The following LRIG1 variants were observed in gnomAD, a reference collection of about 807,000 sequenced individuals.
LRIG1 encodes the protein leucine-rich repeats and immunoglobulin-like domains protein 1.
LRIG1 carries 48 observed loss-of-function variants against 99.2 expected under a neutral mutation model. The ratio of observed to expected loss-of-function variants is 0.48; its 90% CI spans 0.38 to 0.62. LRIG1 has a LOEUF of 0.62. LRIG1 is among the 20% of genes least tolerant of loss of function. The pLI is 0.00. For synonymous variants in LRIG1, 772 were observed against 596.1 expected, an observed-to-expected ratio of 1.29 and a Z score of -4.30; for missense variants, 1,646 against 1,434.4, an observed-to-expected ratio of 1.15 and a Z score of -2.38.
At position 66,384,374 on chromosome 3, in the gene LRIG1, TCAC is replaced by T. The variant is rs539783382; in HGVS notation, c.1790-105_1790-103del. 1,111 of 1,251,816 alleles carry T rather than the reference TCAC, an allele frequency of 8.9e-4. 16 individuals are homozygous for T. The South Asian group carries it at 0.015, about 16-fold the overall frequency. 77.5% of individuals were successfully genotyped at this position (1,251,816 alleles called of 1,614,324 possible). ...ACCTGTCACTGTGCCCAGTGCCAGT[TCAC>T]TTCTTTTCTCCCAATGTCTGCCCAG... On this transcript the variant is annotated intron_variant, in intron 13 of 18. Coordinates refer to ENST00000273261, the MANE Select transcript of LRIG1 (RefSeq NM_015541.3).
Position 66,407,338 on chromosome 3 carries a change from G to A in LRIG1, c.1079+10C>T, listed in dbSNP as rs754600937. 6.2e-7 allele frequency: 1 copy of A among 1,614,048 alleles called. No homozygotes were observed. Among genetic ancestry groups the A allele is most frequent in the Non-Finnish European group, 8.5e-7 (1 of 1,180,028 alleles). ...GGACCCCTTTATCCTGTCAGTAGTG[G>A]GAGACGTACAAGACTCGCAGGCTCC... On this transcript the variant is annotated intron_variant, in intron 8 of 18. Transcript: ENST00000273261.
intron 6 of LRIG1, among the ~76,000 whole-genome samples, chr3:66,411,540 G>A (rs1206692325): frequency 6.6e-6 from 1 of 152,166 alleles, no homozygotes; most frequent in East Asian, 1.9e-4. Context: ...AAAACAAAGG[G>A]TGGAGAATGG....
chr3:66,437,188 C>T (rs971436421), intron 3 of LRIG1, among the ~76,000 whole-genome samples: 1 of 152,220 alleles, frequency 6.6e-6, no homozygotes, highest in East Asian at 1.9e-4. Context: ...TCTCCACCTT[C>T]GCTTCACAGA....
intron 1 of LRIG1, among the ~76,000 whole-genome samples, chr3:66,466,213 T>A (rs1241180686): frequency 6.6e-6 from 1 of 152,126 alleles, no homozygotes; most frequent in Non-Finnish European, 1.5e-5. Flanking sequence ...TTTACTTTTT[T>A]AGTAGACATG....
At chr3:66,395,808 TG>T (rs1701826777) in intron 11 of LRIG1, among the ~76,000 whole-genome samples, 1 of 152,086 alleles carries the variant, frequency 6.6e-6, no homozygotes, top group Admixed American at 6.5e-5. Context: ...GCGCCAGGCA[TG>T]GGGGGAACTC....
Position 66,500,170 on chromosome 3 carries a change from G to A in LRIG1, c.218+20C>T, listed in dbSNP as rs1189488518. 1.3e-6 allele frequency: 2 copies of A among 1,508,686 alleles called. No homozygotes were observed. Among genetic ancestry groups the A allele is most frequent in the East Asian group, 2.6e-5 (1 of 37,820 alleles). The allele number at this position is 1,508,686 out of a possible 1,614,324, so 93.5% of individuals were successfully genotyped here. ...GACAGAGCCCCGGGGCGCAGAGAGG[G>A]CGGAAAGGGCGGCACTCACAGGCTC... On this transcript the variant is annotated intron_variant, in intron 1 of 18. Coordinates refer to ENST00000273261, the MANE Select transcript of LRIG1 (RefSeq NM_015541.3).
Position 66,386,225 on chromosome 3 carries a change from T to C in LRIG1, c.1545A>G (p.Thr515=), listed in dbSNP as rs1035635656. 10 of 1,614,180 alleles carry C rather than the reference T, an allele frequency of 6.2e-6. No individual in the cohort carries two copies. The highest frequency in any genetic ancestry group is 7.6e-6 in the Non-Finnish European group (9 of 1,180,032). The change falls in exon 13 of 19, where the codon ACA becomes ACG. Residue 515 remains threonine, a synonymous_variant. Transcript: ENST00000273261. Reference sequence around the variant, plus strand: ...AGCTGCTGCTGCTGGCTGCTGAGCATGTAAACCGGATGTCCTTGCCCACCA... The same window carrying C: ...AGCTGCTGCTGCTGGCTGCTGAGCACGTAAACCGGATGTCCTTGCCCACCA... The part of the protein sequence containing the change: ...MAMVGKDIRF[T]CSAASSSSSP...
chr3:66,383,067 G>A lies in LRIG1; in HGVS notation c.2406C>T (p.Ser802=). 6 of 1,614,242 alleles carry A rather than the reference G, an allele frequency of 3.7e-6. No homozygotes were observed. Among genetic ancestry groups the A allele is most frequent in the Non-Finnish European group, 5.1e-6 (6 of 1,180,042 alleles). ...TVGIFTIAVV[S]SIVLTSLVWV... is the part of the protein sequence containing the mutation. ...AGACCAGTGACGTCAGGACGATGCTGCTCACGACAGCAATGGTGAAGATGC... is the reference window on the plus strand; with the variant it reads ...AGACCAGTGACGTCAGGACGATGCTACTCACGACAGCAATGGTGAAGATGC... Residue 802 remains serine (S), a synonymous_variant, in exon 15 of 19, where the codon AGC becomes AGT. Coordinates refer to ENST00000273261, the MANE Select transcript of LRIG1 (RefSeq NM_015541.3).
intron 3 of LRIG1, among the ~76,000 whole-genome samples, chr3:66,438,202 T>C (rs1368273612): frequency 6.6e-6 from 1 of 152,026 alleles, no homozygotes; most frequent in Non-Finnish European, 1.5e-5. Flanking sequence ...CCTGCTAGGG[T>C]GCTACCCCCT....
chr3:66,402,459 C>T (rs1007951737), intron 9 of LRIG1, among the ~76,000 whole-genome samples: 1 of 152,222 alleles, frequency 6.6e-6, no homozygotes, highest in Non-Finnish European at 1.5e-5. Flanking sequence ...GGCAGGTCAG[C>T]ATCCACCCCA....
At chr3:66,407,623 G>GCACACACA in intron 7 of LRIG1, 132 bp from the exon 8 acceptor site, 1 of 852,242 alleles carries the variant, frequency 1.2e-6, no homozygotes, top group South Asian at 1.6e-5. Flanking sequence ...GCGCGTGCGT[G>GCACACACA]CACACACACA....
At chr3:66,440,701 A>T (rs1241415024) in intron 3 of LRIG1, among the ~76,000 whole-genome samples, 1 of 152,210 alleles carries the variant, frequency 6.6e-6, no homozygotes, top group Non-Finnish European at 1.5e-5. Context: ...GCTGTCAGAG[A>T]TAGCAAGAGT....
intron 3 of LRIG1, among the ~76,000 whole-genome samples, chr3:66,422,905 A>G (rs958515966): frequency 3.3e-5 from 5 of 152,224 alleles, no homozygotes; most frequent in African/African-American, 9.6e-5. Flanking sequence ...CACATCTTAC[A>G]TGGATGGCAG....
chr3:66,392,774 G>A (rs1322831582), intron 12 of LRIG1, among the ~76,000 whole-genome samples: 7 of 152,152 alleles, frequency 4.6e-5, no homozygotes, highest in Non-Finnish European at 8.8e-5. Context: ...AGGGGAGGGA[G>A]CGATGGAAAG....
chr3:66,380,984 A>AG, intron 17 of LRIG1, 123 bp from the exon 18 acceptor site: 3 of 937,502 alleles, frequency 3.2e-6, no homozygotes, highest in Non-Finnish European at 4.8e-6. Flanking sequence ...CACTGTATGC[A>AG]TGCTTCCTCT....
At chr3:66,417,346 C>T (rs1189745267) in intron 3 of LRIG1, 80 bp from the exon 4 acceptor site, 3 of 1,414,050 alleles carry the variant, frequency 2.1e-6, no homozygotes, top group African/African-American at 1.4e-5. Flanking sequence ...TGCACCCCAC[C>T]CCCCACCAAT....
chr3:66,409,964 C>T (rs1455182373), intron 7 of LRIG1, 165 bp downstream of exon 7: 4 of 612,980 alleles, frequency 6.5e-6, no homozygotes, highest in South Asian at 4.4e-5. Flanking sequence ...GGGCTCAAAT[C>T]GCTGAGGGTT....
intron 1 of LRIG1, among the ~76,000 whole-genome samples, chr3:66,474,792 T>C (rs186249802): frequency 2.7e-4 from 41 of 152,328 alleles, no homozygotes. Flanking sequence ...TTCCACTTGC[T>C]AAACTGTATC....
chr3:66,446,352 G>A (rs1703723594), intron 3 of LRIG1, among the ~76,000 whole-genome samples: 2 of 149,604 alleles, frequency 1.3e-5, no homozygotes, highest in Admixed American at 1.3e-4. Flanking sequence ...TTATTCTCCA[G>A]AAATTACAAC....
Sources: gnomAD v4.1 joint callset for allele counts (sites outside exome capture counted in the v4.1 genomes callset) on GRCh38, gnomAD v4.1.1 for gene constraint, MANE v1.5 for transcripts, NCBI Gene and HGNC (gene_info 2026-07-23, HGNC 2026-07-21) for gene names.